Variants in MSANTD3 observed in about 807,000 individuals in gnomAD.
MSANTD3 encodes Myb/SANT DNA binding domain containing 3.
A neutral mutation model predicts 27.7 loss-of-function variants in MSANTD3; 11 were observed. The ratio of observed to expected loss-of-function variants is 0.40; its 90% CI spans 0.25 to 0.66. The LOEUF (loss-of-function observed/expected upper bound fraction) is 0.66. Among genes scored for constraint, MSANTD3 ranks in the 30% least tolerant of loss-of-function variants. The pLI, the probability that MSANTD3 is intolerant of heterozygous loss-of-function variation, is 0.41. For synonymous variants in MSANTD3, 131 were observed against 127.2 expected, an observed-to-expected ratio of 1.03 and a Z score of -0.20; for missense variants, 250 against 336.5, an observed-to-expected ratio of 0.74 and a Z score of 2.01.
rs1564249967 is a variant in MSANTD3 at position 100,442,091 on chromosome 9, G to A, written c.153G>A (p.Ala51=). The change falls in exon 2 of 3, where the codon GCG becomes GCA. Residue 51 remains alanine (A), a synonymous_variant. Transcript: ENST00000395067. The stretch of plus-strand genomic sequence containing the variant: ...CCCTTAAGCAGCGTACCTGGCAGGC[G>A]CTGGCCCACGAATACAACTCTCAGC... ...TIALKQRTWQ[A]LAHEYNSQPS... The A allele has an allele frequency of 6.2e-7, 1 of 1,614,174 alleles. No homozygotes were observed. The highest frequency in any genetic ancestry group is 1.6e-4 in the Middle Eastern group (1 of 6,062).
At chr9:100,443,447 A>G (rs1046956426) in intron 2 of MSANTD3, among the ~76,000 whole-genome samples, 1 of 152,226 alleles carries the variant, frequency 6.6e-6, no homozygotes, top group South Asian at 2.1e-4. Context: ...AGTGCAAAGA[A>G]TAATATGATA....
chr9:100,444,950 A>T, intron 2 of MSANTD3: 1 of 481,826 alleles, frequency 2.1e-6, no homozygotes, highest in Non-Finnish European at 3.7e-6. Flanking sequence ...CATAGATGAC[A>T]CTGGGGACTT....
chr9:100,445,208 T>G (rs1836725059), intron 2 of MSANTD3: 1 of 1,609,320 alleles, frequency 6.2e-7, no homozygotes, highest in East Asian at 2.2e-5. Flanking sequence ...GAATTGTCAA[T>G]CATCCTTTCT....
At chr9:100,434,649 C>G (rs527853835) in intron 1 of MSANTD3, among the ~76,000 whole-genome samples, 4 of 152,214 alleles carry the variant, frequency 2.6e-5, no homozygotes, top group Admixed American at 6.5e-5. Flanking sequence ...TCAACTCTCT[C>G]CATTCATATC....
At chr9:100,447,394 GTTAGCACACATT>G (rs1429913449) in intron 2 of MSANTD3, among the ~76,000 whole-genome samples, 2 of 151,896 alleles carry the variant, frequency 1.3e-5, no homozygotes, top group Non-Finnish European at 2.9e-5. Flanking sequence ...AAATTTGGAT[GTTAGCACACATT>G]TAAACTAAAA....
At chr9:100,442,408 A>T in intron 2 of MSANTD3, 52 bp downstream of exon 2, 1 of 1,526,864 alleles carries the variant, frequency 6.5e-7, no homozygotes, top group Non-Finnish European at 8.7e-7. Flanking sequence ...TCTGTTTGAC[A>T]TTTTAATTTT....
chr9:100,444,870 T>C (rs1836716465), intron 2 of MSANTD3: 2 of 231,970 alleles, frequency 8.6e-6, no homozygotes, highest in Non-Finnish European at 1.7e-5. Flanking sequence ...ACATTCTCAG[T>C]GTTTTTCTTA....
Position 100,450,710 on chromosome 9 carries a change from G to T in MSANTD3, c.572G>T (p.Gly191Val), listed in dbSNP as rs778364817. 6.2e-7 allele frequency: 1 copy of T among 1,614,078 alleles called. No individual in the cohort carries two copies. The highest frequency in any genetic ancestry group is 1.1e-5 in the South Asian group (1 of 91,070). ...TACAGGAGCAAAACCTCTCAGGAAG[G>T]TGCTTTAAAAAAGATGCATGAGGAA... ...KNYRSKTSQE[G>V]ALKKMHEEEH... is the part of the protein sequence containing the mutation. Residue 191 changes from glycine (G) to valine (V), a missense_variant, in exon 3 of 3, where the codon GGT (glycine) becomes GTT (valine). Physicochemically the swap from Gly to Val is moderately radical, Grantham distance 109. This residue lies in a region of MSANTD3 where 235 missense variants were observed against 299.3 expected (regional missense o/e 0.79). Coordinates refer to ENST00000395067, the MANE Select transcript of MSANTD3 (RefSeq NM_080655.3).
intron 2 of MSANTD3, among the ~76,000 whole-genome samples, chr9:100,446,239 G>A (rs913132936): frequency 1.3e-5 from 2 of 152,156 alleles, no homozygotes; most frequent in South Asian, 2.1e-4. Context: ...TATTATTACT[G>A]TTCAATCCTA....
In MSANTD3 at chr9:100,450,825, G is replaced by A. The variant is rs750039412; in HGVS notation, c.687G>A (p.Glu229=). ...HVAKIQQIER[E]CEMAEEEHRI... Reference sequence around the variant, plus strand: ...CCAAAATCCAGCAGATAGAGCGAGAGTGTGAGATGGCAGAGGAGGAACACA... The same window carrying A: ...CCAAAATCCAGCAGATAGAGCGAGAATGTGAGATGGCAGAGGAGGAACACA... The change falls in exon 3 of 3, where the codon GAG becomes GAA. Residue 229 remains glutamate, a synonymous_variant. Transcript: ENST00000395067. 12 of 1,614,112 alleles carry A rather than the reference G, an allele frequency of 7.4e-6. No homozygotes were observed. Among genetic ancestry groups the A allele is most frequent in the Non-Finnish European group, 1.0e-5 (12 of 1,180,052 alleles).
At chr9:100,446,302 A>G (rs542698573) in intron 2 of MSANTD3, among the ~76,000 whole-genome samples, 4 of 152,170 alleles carry the variant, frequency 2.6e-5, no homozygotes, top group South Asian at 2.1e-4. Flanking sequence ...ACTTCCAGTC[A>G]TGGCACCCCA....
At chr9:100,439,388 G>A (rs1836549669) in intron 1 of MSANTD3, among the ~76,000 whole-genome samples, 1 of 152,052 alleles carries the variant, frequency 6.6e-6, no homozygotes, top group South Asian at 2.1e-4. Flanking sequence ...TTTTATTATG[G>A]AATTTTAAAA....
At chr9:100,437,410 A>C (rs1453851945) in intron 1 of MSANTD3, among the ~76,000 whole-genome samples, 1 of 152,180 alleles carries the variant, frequency 6.6e-6, no homozygotes, top group Non-Finnish European at 1.5e-5. Flanking sequence ...TGAGCATTGG[A>C]GTAAGTCAGA....
chr9:100,443,366 G>A (rs535138441), intron 2 of MSANTD3, among the ~76,000 whole-genome samples: 86 of 150,498 alleles, frequency 5.7e-4, no homozygotes, highest in African/African-American at 1.9e-3. Flanking sequence ...ACCACTGCAC[G>A]CCAGCGTAGG....
At position 100,433,224 on chromosome 9, in the gene MSANTD3, A is replaced by G. The variant is rs187231083; in HGVS notation, c.-34+5831A>G. Among the ~76,000 whole-genome samples, 3 of 152,294 alleles carry G rather than the reference A, an allele frequency of 2.0e-5. No individual in the cohort carries two copies. The East Asian group carries it at 5.8e-4, about 29-fold the overall frequency. On this transcript the variant is annotated intron_variant, in intron 1 of 2. Coordinates refer to ENST00000395067, the MANE Select transcript of MSANTD3 (RefSeq NM_080655.3). Reference sequence around the variant, plus strand: ...TTTTGCTCTGAGCCTCAGTTTCCTCAACTGTAAAGTAAGAGGATTAGATTG... The same window carrying G: ...TTTTGCTCTGAGCCTCAGTTTCCTCGACTGTAAAGTAAGAGGATTAGATTG...
intron 2 of MSANTD3, among the ~76,000 whole-genome samples, chr9:100,449,709 G>C (rs1836840009): frequency 6.6e-6 from 1 of 152,160 alleles, no homozygotes; most frequent in Non-Finnish European, 1.5e-5. Flanking sequence ...GTCAGAATCA[G>C]GTTATGAGTT....
intron 1 of MSANTD3, among the ~76,000 whole-genome samples, chr9:100,430,026 T>G (rs1302473359): frequency 6.6e-6 from 1 of 151,678 alleles, no homozygotes; most frequent in Non-Finnish European, 1.5e-5. Flanking sequence ...TGAATGCTCC[T>G]TTACCACCTA....
Position 100,442,016 on chromosome 9 carries a change from A to C in MSANTD3, c.78A>C (p.Glu26Asp). 6.2e-7 allele frequency: 1 copy of C among 1,614,214 alleles called. No homozygotes were observed. Among genetic ancestry groups the C allele is most frequent in the Non-Finnish European group, 8.5e-7 (1 of 1,180,042 alleles). Reference sequence around the variant, plus strand: ...AGAGCATCCTGCTGGCTTTAGTAGAAAAGTATAAATATGTGCTGGAATGTA... The same window carrying C: ...AGAGCATCCTGCTGGCTTTAGTAGACAAGTATAAATATGTGCTGGAATGTA... Reference protein sequence around the residue: ...LEKSILLALVEKYKYVLECKK... With the variant: ...LEKSILLALVDKYKYVLECKK... The change falls in exon 2 of 3, where the codon GAA (glutamate) becomes GAC (aspartate). Residue 26 changes from glutamate to aspartate, a missense_variant. Coordinates refer to ENST00000395067, the MANE Select transcript of MSANTD3 (RefSeq NM_080655.3).
chr9:100,432,116 C>T (rs1184700629), intron 1 of MSANTD3, among the ~76,000 whole-genome samples: 1 of 152,124 alleles, frequency 6.6e-6, no homozygotes, highest in Non-Finnish European at 1.5e-5. Flanking sequence ...GTTCTGCATG[C>T]ACACAGTCAC....
Sources: allele counts gnomAD v4.1 joint callset (sites outside exome capture counted in the v4.1 genomes callset), GRCh38; gene constraint gnomAD v4.1.1; regional missense constraint gnomAD v4.1.1; transcripts MANE v1.5; gene names NCBI Gene and HGNC (gene_info 2026-07-23, HGNC 2026-07-21).